Variants in COG3 observed in about 807,000 individuals in gnomAD.
COG3 encodes the protein component of oligomeric golgi complex 3.
COG3 carries 32 observed loss-of-function variants against 114.1 expected under a neutral mutation model. The ratio of observed to expected loss-of-function variants is 0.28; its 90% CI spans 0.21 to 0.38. COG3 has a LOEUF of 0.38. Among genes scored for constraint, COG3 ranks in the 10% least tolerant of loss-of-function variants. COG3 has a pLI of 1.00. For synonymous variants in COG3, 352 were observed against 365.7 expected (o/e 0.96, Z 0.43); for missense variants, 813 against 973.2 (o/e 0.84, Z 2.19).
chr13:45,486,740 A>G (rs972548027), intron 8 of COG3, among the ~76,000 whole-genome samples, 165 bp downstream of exon 8: 1 of 152,206 alleles, frequency 6.6e-6, no homozygotes, highest in Admixed American at 6.5e-5. Context: ...TGTTGTGTCT[A>G]GGTTCTTTAA....
intron 10 of COG3, among the ~76,000 whole-genome samples, chr13:45,491,740 A>G (rs1887029948): frequency 1.3e-5 from 2 of 152,194 alleles, no homozygotes; most frequent in South Asian, 2.1e-4. Flanking sequence ...TTTTTGAGAT[A>G]AGAAGATTCA....
chr13:45,486,590 A>G lies in COG3; in HGVS notation c.924+15A>G. ...CCAAAGTCAGAGTAAGTCTATTGACATAACTAGGACATTGCTATGAAATTT... is the reference window on the plus strand; with the variant it reads ...CCAAAGTCAGAGTAAGTCTATTGACGTAACTAGGACATTGCTATGAAATTT... On this transcript the variant is annotated intron_variant, in intron 8 of 22. Coordinates refer to ENST00000349995, the MANE Select transcript of COG3 (RefSeq NM_031431.4). 2 of 1,486,684 alleles carry G rather than the reference A, an allele frequency of 1.3e-6. No homozygotes were observed. The highest frequency in any genetic ancestry group is 1.9e-6 in the Non-Finnish European group (2 of 1,064,332). The allele number at this position is 1,486,684 out of a possible 1,614,324, so 92.1% of individuals were successfully genotyped here.
At chr13:45,514,408 G>A (rs1023611759) in intron 16 of COG3, among the ~76,000 whole-genome samples, 27 of 152,132 alleles carry the variant, frequency 1.8e-4, no homozygotes, top group South Asian at 4.2e-4. Context: ...TGATCCACCC[G>A]CCTTGGCCTC....
In COG3 at chr13:45,483,623, C is replaced by T. The variant is rs954604208; in HGVS notation, c.843+268C>T. Reference sequence around the variant, plus strand: ...GAATAATCAGATACAAATTATTTGTCTCTTAAAACATTCCTTTTCTATCTT... The same window carrying T: ...GAATAATCAGATACAAATTATTTGTTTCTTAAAACATTCCTTTTCTATCTT... On this transcript the variant is annotated intron_variant, in intron 7 of 22. Coordinates refer to ENST00000349995, the MANE Select transcript of COG3 (RefSeq NM_031431.4). 9.2e-5 allele frequency among the ~76,000 whole-genome samples: 14 copies of T among 152,172 alleles called. 1 individual carries two copies. The highest frequency in any genetic ancestry group is 3.1e-4 in the African/African-American group (13 of 41,512).
chr13:45,480,159 C>T lies in COG3; in HGVS notation c.418C>T (p.Gln140Ter). 6.2e-7 allele frequency: 1 copy of T among 1,612,148 alleles called. No individual in the cohort carries two copies. Among genetic ancestry groups the T allele is most frequent in the Non-Finnish European group, 8.5e-7 (1 of 1,178,884 alleles). ...MRDYLSGFQE[Q>*]CDAILNDVNS... ...GGATTACTTGTCTGGGTTTCAGGAG[C>T]AGTGTGATGCTATATTGAATGATGT... The change falls in exon 4 of 23, where the codon CAG (glutamine) becomes TAG (stop). Residue 140 changes from glutamine (Q) to a stop codon, truncating the protein, a stop_gained. Coordinates refer to ENST00000349995, the MANE Select transcript of COG3 (RefSeq NM_031431.4). LOFTEE classifies it high-confidence loss of function.
intron 8 of COG3, among the ~76,000 whole-genome samples, chr13:45,488,928 C>G (rs1424002426): frequency 6.6e-6 from 1 of 151,956 alleles, no homozygotes; most frequent in African/African-American, 2.4e-5. Context: ...TGGCTCACAC[C>G]TGCAATCCTA....
intron 16 of COG3, among the ~76,000 whole-genome samples, chr13:45,515,604 G>T (rs1041550943): frequency 2.6e-5 from 4 of 152,218 alleles, no homozygotes; most frequent in African/African-American, 7.2e-5. Flanking sequence ...CTTCAGGGAT[G>T]TGGGTAGTCA....
In COG3 at chr13:45,523,510, TA is replaced by T. The variant is rs145075299; in HGVS notation, c.2155-1459del. ...AGATGGGGCTTCACTTGACTAGCCT[TA>T]AAAAAATGAGGCTGATTGGGGAAAA... On this transcript the variant is annotated intron_variant, in intron 19 of 22. Coordinates refer to ENST00000349995, the MANE Select transcript of COG3 (RefSeq NM_031431.4). Among the ~76,000 whole-genome samples, 1,013 of 152,240 alleles carry T rather than the reference TA, an allele frequency of 6.7e-3. 10 individuals are homozygous for T. Among genetic ancestry groups the T allele is most frequent in the African/African-American group, 0.023 (969 of 41,534 alleles).
At chr13:45,474,480 A>G (rs896755727) in intron 1 of COG3, among the ~76,000 whole-genome samples, 3 of 152,058 alleles carry the variant, frequency 2.0e-5, no homozygotes, top group African/African-American at 7.2e-5. Flanking sequence ...TACTCCTTAT[A>G]GTAACGTTAT....
At chr13:45,494,551 G>A (rs1868510050) in intron 12 of COG3, among the ~76,000 whole-genome samples, 1 of 151,906 alleles carries the variant, frequency 6.6e-6, no homozygotes, top group Admixed American at 6.6e-5. Context: ...TGAGTTGGGG[G>A]TCTCACTCTT....
intron 2 of COG3, 103 bp downstream of exon 2, chr13:45,476,450 TTAAC>T (rs1421274189): frequency 1.7e-6 from 2 of 1,181,254 alleles, no homozygotes; most frequent in African/African-American, 3.0e-5. Flanking sequence ...GTCACCATAA[TTAAC>T]ATTAAGTCTT....
chr13:45,496,733 G>T (rs910544492), intron 13 of COG3, among the ~76,000 whole-genome samples: 4 of 152,022 alleles, frequency 2.6e-5, no homozygotes, highest in Non-Finnish European at 4.4e-5. Flanking sequence ...GAGTACAGTG[G>T]TGTGATCTCG....
At chr13:45,493,734 T>A (rs1252320348) in intron 12 of COG3, 1 of 268,644 alleles carries the variant, frequency 3.7e-6, no homozygotes. Context: ...GTTTTCTTTC[T>A]GGCATCTGGA....
chr13:45,476,401 C>T lies in COG3; in HGVS notation c.321+54C>T. The T allele has an allele frequency of 3.9e-6, 6 of 1,539,508 alleles. No individual in the cohort carries two copies. In the South Asian group the frequency reaches 6.8e-5, roughly 17 times the overall value. On this transcript the variant is annotated intron_variant, in intron 2 of 22. Coordinates refer to ENST00000349995, the MANE Select transcript of COG3 (RefSeq NM_031431.4). ...TTTGATTATTTCAGATGTCTGAAGA[C>T]AAGGCTAATAAAGTCCTAATTAAAA...
Position 45,518,458 on chromosome 13 carries a change from T to C in COG3, c.1931-304T>C, listed in dbSNP as rs541156182. Among the ~76,000 whole-genome samples the C allele has an allele frequency of 2.0e-5, 3 of 152,378 alleles. No homozygotes were observed. The South Asian group carries it at 6.2e-4, about 32-fold the overall frequency. ...TATATGAGTATTTTTTAAAAACCTA[T>C]TTAATATCCTAAAAGTAAAGCAGTG... On this transcript the variant is annotated intron_variant, in intron 17 of 22. Coordinates refer to ENST00000349995, the MANE Select transcript of COG3 (RefSeq NM_031431.4).
chr13:45,476,188 C>G lies in COG3; in HGVS notation c.175-13C>G. The G allele has an allele frequency of 6.2e-7, 1 of 1,612,896 alleles. No homozygotes were observed. Among genetic ancestry groups the G allele is most frequent in the South Asian group, 1.1e-5 (1 of 90,954 alleles). ...AAGTCACTTAAATATCTTTGTGACT[C>G]TCTTTTTTCAAGCTTCCAATTGAAG... On this transcript the variant is annotated splice_polypyrimidine_tract_variant and intron_variant, in intron 1 of 22. Coordinates refer to ENST00000349995, the MANE Select transcript of COG3 (RefSeq NM_031431.4).
intron 8 of COG3, among the ~76,000 whole-genome samples, chr13:45,489,262 C>CAAAAAAAAAAAAAAAA (rs377551623): frequency 9.2e-5 from 4 of 43,598 alleles, no homozygotes; most frequent in Non-Finnish European, 1.1e-4. Flanking sequence ...GACCCAGCCT[C>CAAAAAAAAAAAAAAAA]AAAAAAAAAA....
At chr13:45,465,408 C>A in intron 1 of COG3, 198 bp downstream of exon 1, 1 of 927,562 alleles carries the variant, frequency 1.1e-6, no homozygotes, top group Non-Finnish European at 1.5e-6. Context: ...GACTCTAATT[C>A]TGCCTGGGGA....
At chr13:45,474,437 C>T (rs546786657) in intron 1 of COG3, among the ~76,000 whole-genome samples, 104 of 152,256 alleles carry the variant, frequency 6.8e-4, no homozygotes, top group African/African-American at 2.3e-3. Context: ...GCTGGGATTA[C>T]AGGCGTGAGC....
Sources: allele counts gnomAD v4.1 joint callset (sites outside exome capture counted in the v4.1 genomes callset), GRCh38; gene constraint gnomAD v4.1.1; transcripts MANE v1.5; gene names NCBI Gene and HGNC (gene_info 2026-07-23, HGNC 2026-07-21).